Variants in DROSHA observed in about 807,000 individuals in gnomAD.
DROSHA encodes the protein drosha ribonuclease III.
Under a neutral mutation model 181.9 loss-of-function variants are expected in DROSHA, and 56 were observed. That is an observed-to-expected ratio of 0.31 (90% CI 0.25 to 0.38). The LOEUF is 0.38. DROSHA is among the 10% of genes least tolerant of loss of function. The pLI, the probability that DROSHA is intolerant of heterozygous loss-of-function variation, is 1.00. For synonymous variants in DROSHA, 524 were observed against 591.2 expected (o/e 0.89, Z 1.65); for missense variants, 1,218 against 1,743.5 (o/e 0.70, Z 5.37).
chr5:31,405,865 A>T (rs1740596384), intron 34 of DROSHA, 142 bp from the exon 35 acceptor site: 2 of 688,754 alleles, frequency 2.9e-6, no homozygotes, highest in South Asian at 4.2e-5. Context: ...TCCTCTGATT[A>T]CTTACAGTGT....
intron 24 of DROSHA, among the ~76,000 whole-genome samples, chr5:31,436,469 T>G (rs1744800824): frequency 6.6e-6 from 1 of 150,974 alleles, no homozygotes; most frequent in Non-Finnish European, 1.5e-5. Flanking sequence ...CTCAGCTCAA[T>G]GCAACCTCCA....
Position 31,504,701 on chromosome 5 carries a change from C to T in DROSHA, c.1588-66G>A. 7 of 1,546,798 alleles carry T rather than the reference C, an allele frequency of 4.5e-6. No individual in the cohort carries two copies. In the South Asian group the frequency reaches 8.0e-5, roughly 18 times the overall value. ...AAATCCACACCATGCACGGTGATGC[C>T]TCCGAAAATGCGTGGGTTTTAATGT... On this transcript the variant is annotated intron_variant, in intron 10 of 35. Coordinates refer to ENST00000344624, the MANE Select transcript of DROSHA (RefSeq NM_001382508.1).
chr5:31,521,834 C>T (rs996966064), intron 5 of DROSHA, among the ~76,000 whole-genome samples: 9 of 152,024 alleles, frequency 5.9e-5, no homozygotes, highest in African/African-American at 2.2e-4. Flanking sequence ...TTAAAACCTT[C>T]CAATGTAAAA....
At chr5:31,420,195 C>T (rs560640147) in intron 30 of DROSHA, among the ~76,000 whole-genome samples, 75 of 152,308 alleles carry the variant, frequency 4.9e-4, no homozygotes, top group African/African-American at 1.8e-3. Context: ...CTATTCAAAG[C>T]AGAACACACA....
intron 14 of DROSHA, among the ~76,000 whole-genome samples, chr5:31,485,727 C>T (rs1055430358): frequency 1.3e-5 from 2 of 151,274 alleles, no homozygotes; most frequent in Admixed American, 1.3e-4. Context: ...ATAAACAACA[C>T]TTGCTCAGAA....
At chr5:31,417,525 C>A (rs1451255152) in intron 30 of DROSHA, among the ~76,000 whole-genome samples, 2 of 151,896 alleles carry the variant, frequency 1.3e-5, no homozygotes, top group Non-Finnish European at 2.9e-5. Context: ...GTGGCTCAGA[C>A]CGGGTGATAA....
chr5:31,476,734 A>G (rs2150032000), intron 16 of DROSHA, among the ~76,000 whole-genome samples: 1 of 152,296 alleles, frequency 6.6e-6, no homozygotes, highest in Non-Finnish European at 1.5e-5. Context: ...GAAAGGTAAG[A>G]GGAGATCCAT....
Position 31,515,212 on chromosome 5 carries a change from G to C in DROSHA, c.1066C>G (p.Pro356Ala), listed in dbSNP as rs754108529. 3.1e-6 allele frequency: 5 copies of C among 1,609,072 alleles called. No homozygotes were observed. The highest frequency in any genetic ancestry group is 4.2e-6 in the Non-Finnish European group (5 of 1,178,900). Residue 356 changes from proline (P) to alanine (A), a missense_variant, in exon 8 of 36, where the codon CCA becomes GCA. Around this residue, in one of 8 missense-constraint regions of DROSHA, gnomAD observed 536 missense variants for 535.4 expected, o/e 1.00. Transcript: ENST00000344624. Reference protein sequence around the residue: ...PPLEIVNHRSPSREKKRARWE... With the variant: ...PPLEIVNHRSASREKKRARWE... ...CGAGCTCTCTTCTTCTCCCTACTTG[G>C]GGAGCGACTTCAAAAGAGGGCAAAG...
rs1738999374 is a variant in DROSHA at position 31,514,042 on chromosome 5, GC to G, written c.1290+945del. 6.6e-6 allele frequency among the ~76,000 whole-genome samples: 1 copy of G among 152,132 alleles called. No homozygotes were observed. The highest frequency in any genetic ancestry group is 2.1e-4 in the South Asian group (1 of 4,826). ...GCACGCCGGCTGTAGCACCACAGGC[GC>G]CCCGGCCCTGGCAGCATGTGCTCTA... On this transcript the variant is annotated intron_variant, in intron 8 of 35. Coordinates refer to ENST00000344624, the MANE Select transcript of DROSHA (RefSeq NM_001382508.1). The surrounding 1 kb of genome is among the most constrained non-coding windows in gnomAD (Gnocchi z 4.4).
At chr5:31,431,518 C>T (rs899153194) in intron 26 of DROSHA, 58 bp downstream of exon 26, 1 of 1,559,886 alleles carries the variant, frequency 6.4e-7, no homozygotes, top group African/African-American at 1.4e-5. Context: ...ATTTTATGTG[C>T]TCTCCAGACT....
At chr5:31,465,240 T>C (rs146569106) in intron 19 of DROSHA, among the ~76,000 whole-genome samples, 56 of 152,272 alleles carry the variant, frequency 3.7e-4, no homozygotes, top group African/African-American at 1.2e-3. Flanking sequence ...CCTGAGACAA[T>C]AATCTATGTT....
At chr5:31,511,443 G>A (rs944807778) in intron 8 of DROSHA, among the ~76,000 whole-genome samples, 5 of 152,070 alleles carry the variant, frequency 3.3e-5, no homozygotes, top group Non-Finnish European at 7.4e-5. Context: ...GCTGGCTCAC[G>A]CCTGTAATCC....
chr5:31,495,185 AAAGT>A (rs1341960202), intron 12 of DROSHA, 97 bp downstream of exon 12: 51 of 1,315,176 alleles, frequency 3.9e-5, no homozygotes, highest in Non-Finnish European at 5.0e-5. Flanking sequence ...AATATTTTTC[AAAGT>A]AAGAACATTT....
rs1033831185 is a variant in DROSHA at position 31,400,501 on chromosome 5, T to C, written c.*931A>G. ...AATGATGAATGAAACAGATTTGTTT[T>C]ACAAAGAAGTTTTGCCTTTATTAAT... On this transcript the variant is annotated 3_prime_UTR_variant, in exon 36 of 36. Coordinates refer to ENST00000344624, the MANE Select transcript of DROSHA (RefSeq NM_001382508.1). 2 of 152,290 alleles carry C rather than the reference T, an allele frequency of 1.3e-5. No individual in the cohort carries two copies. The highest frequency in any genetic ancestry group is 1.3e-4 in the Admixed American group (2 of 15,290). The allele number at this position is 152,290 out of a possible 1,614,324, so 9.4% of individuals were successfully genotyped here.
intron 26 of DROSHA, among the ~76,000 whole-genome samples, chr5:31,429,998 A>C (rs895377573): frequency 2.8e-4 from 42 of 152,334 alleles, no homozygotes; most frequent in African/African-American, 9.4e-4. Context: ...CTGCAAACAA[A>C]ATATCAGGGG....
Position 31,493,964 on chromosome 5 carries a change from T to A in DROSHA, c.1756-671A>T, listed in dbSNP as rs1752684415. On this transcript the variant is annotated intron_variant, in intron 12 of 35. Transcript: ENST00000344624. Reference sequence around the variant, plus strand: ...GTGTGTGTGTGTGTGTGTGTGTGTGTGTGTGTGTGTGTGTGTGTGTTTGAG... The same window carrying A: ...GTGTGTGTGTGTGTGTGTGTGTGTGAGTGTGTGTGTGTGTGTGTGTTTGAG... Among the ~76,000 whole-genome samples the A allele has an allele frequency of 2.0e-5, 3 of 150,006 alleles. No individual in the cohort carries two copies. The South Asian group carries it at 6.3e-4, about 31-fold the overall frequency.
intron 23 of DROSHA, among the ~76,000 whole-genome samples, chr5:31,446,673 A>AT (rs1240270312): frequency 1.5e-5 from 2 of 131,390 alleles, no homozygotes; most frequent in East Asian, 5.6e-4. Context: ...CCCTGTCTCT[A>AT]TTTAAAAAAA....
chr5:31,406,966 C>T (rs1740727801), intron 33 of DROSHA, 21 bp from the exon 34 acceptor site: 1 of 1,603,282 alleles, frequency 6.2e-7, no homozygotes, highest in Admixed American at 1.7e-5. Flanking sequence ...AAGGAAAGAA[C>T]ATTTATTATG....
rs574664132 is a variant in DROSHA, at chr5:31,509,702, A to G, written c.1433-927T>C. 3.3e-5 allele frequency among the ~76,000 whole-genome samples: 5 copies of G among 152,362 alleles called. No homozygotes were observed. In the East Asian group the frequency reaches 7.7e-4, roughly 23 times the overall value. The stretch of plus-strand genomic sequence containing the variant: ...GACTTGACATTTCTTTTCCCTCAAT[A>G]ACAGCAAGAGAAGGTGTTAGTCCTT... On this transcript the variant is annotated intron_variant, in intron 9 of 35. Transcript: ENST00000344624.
Sources: allele counts gnomAD v4.1 joint callset (sites outside exome capture counted in the v4.1 genomes callset), GRCh38; gene constraint gnomAD v4.1.1; regional missense constraint gnomAD v4.1.1; non-coding constraint Gnocchi (gnomAD v3.1); transcripts MANE v1.5; gene names NCBI Gene and HGNC (gene_info 2026-07-23, HGNC 2026-07-21).